The following ITGB5 variants were observed in gnomAD, a reference collection of about 807,000 sequenced individuals.
ITGB5 encodes the protein integrin beta-5.
A neutral mutation model predicts 84.8 loss-of-function variants in ITGB5; 38 were observed. The ratio of observed to expected loss-of-function variants is 0.45; its 90% confidence interval spans 0.35 to 0.59. The LOEUF is 0.59. ITGB5 is among the 20% of genes least tolerant of loss of function. The probability of loss-of-function intolerance (pLI) is 0.01; values close to 1 mark genes in which losing one functional copy is unlikely to be tolerated. For missense variants in ITGB5, 905 were observed against 1,034.5 expected (o/e 0.87, Z 1.72); for synonymous variants, 393 against 414.4 (o/e 0.95, Z 0.63).
At chr3:124,808,653 G>C (rs116355871) in intron 9 of ITGB5, among the ~76,000 whole-genome samples, 236 of 152,322 alleles carry the variant, frequency 1.5e-3, no homozygotes, top group African/African-American at 5.5e-3. Flanking sequence ...CCAAGGAACA[G>C]AGCTATTTGC....
At chr3:124,849,957 C>T (rs1412208676) in intron 3 of ITGB5, among the ~76,000 whole-genome samples, 2 of 152,124 alleles carry the variant, frequency 1.3e-5, no homozygotes, top group African/African-American at 2.4e-5. Context: ...TGCAGTAGAA[C>T]TGTCTACACA....
intron 5 of ITGB5, among the ~76,000 whole-genome samples, chr3:124,823,150 C>A (rs931289754): frequency 6.6e-6 from 1 of 152,138 alleles, no homozygotes; most frequent in Non-Finnish European, 1.5e-5. Context: ...GTCATCCCAA[C>A]TATTCAGGTG....
At chr3:124,840,367 T>C (rs2064993525) in intron 5 of ITGB5, among the ~76,000 whole-genome samples, 1 of 152,158 alleles carries the variant, frequency 6.6e-6, no homozygotes. Context: ...ATGAAATGTA[T>C]GCACAAAGAC....
chr3:124,895,848 G>T (rs981999224), intron 1 of ITGB5, among the ~76,000 whole-genome samples: 1 of 152,134 alleles, frequency 6.6e-6, no homozygotes, highest in African/African-American at 2.4e-5. Flanking sequence ...CAGAAGAATT[G>T]AGTTCCAGTC....
chr3:124,796,877 C>A, intron 9 of ITGB5, 60 bp from the exon 10 acceptor site: 1 of 1,513,294 alleles, frequency 6.6e-7, no homozygotes, highest in Non-Finnish European at 8.9e-7. Context: ...TCCCATTCAC[C>A]CAGGGGCAGG....
At chr3:124,897,978 A>C (rs1356750151) in intron 1 of ITGB5, among the ~76,000 whole-genome samples, 5 of 152,100 alleles carry the variant, frequency 3.3e-5, no homozygotes, top group Admixed American at 2.0e-4. Flanking sequence ...GTAATACCAG[A>C]CTTGATTCAT....
chr3:124,775,353 GAT>G (rs2063910834), intron 10 of ITGB5, among the ~76,000 whole-genome samples: 1 of 151,724 alleles, frequency 6.6e-6, no homozygotes, highest in South Asian at 2.1e-4. Flanking sequence ...TGTGAGGGAG[GAT>G]GTGTGTGAGT....
chr3:124,819,924 T>G (rs976368664), intron 6 of ITGB5, 90 bp from the exon 7 acceptor site: 1 of 951,748 alleles, frequency 1.1e-6, no homozygotes, highest in Non-Finnish European at 1.7e-6. Flanking sequence ...CAGCCAGCAT[T>G]TGCCAGGGAA....
chr3:124,766,058 T>C (rs1213851235), intron 13 of ITGB5, among the ~76,000 whole-genome samples, 168 bp downstream of exon 13: 1 of 100,032 alleles, frequency 1.0e-5, no homozygotes. Flanking sequence ...ACAGCCTGTG[T>C]CAAAAAAAAA....
At chr3:124,849,628 A>G (rs1297855392) in intron 3 of ITGB5, among the ~76,000 whole-genome samples, 1 of 152,164 alleles carries the variant, frequency 6.6e-6, no homozygotes, top group Non-Finnish European at 1.5e-5. Context: ...AAAAGACAGC[A>G]CTAGATTTGT....
chr3:124,783,527 A>G (rs1420598903), intron 10 of ITGB5, among the ~76,000 whole-genome samples: 1 of 152,192 alleles, frequency 6.6e-6, no homozygotes, highest in African/African-American at 2.4e-5. Context: ...CGTGTAGAAG[A>G]TGCTCAGAAC....
intron 1 of ITGB5, among the ~76,000 whole-genome samples, chr3:124,884,582 C>T (rs1346430253): frequency 6.6e-6 from 1 of 151,682 alleles, no homozygotes; most frequent in Non-Finnish European, 1.5e-5. Flanking sequence ...TGCCTGTAAT[C>T]CCAGTTACTC....
intron 3 of ITGB5, among the ~76,000 whole-genome samples, chr3:124,853,079 T>G (rs1387235275): frequency 6.6e-6 from 1 of 152,198 alleles, no homozygotes; most frequent in Non-Finnish European, 1.5e-5. Context: ...AAGACTGATT[T>G]TGTTCAAAGT....
intron 4 of ITGB5, among the ~76,000 whole-genome samples, chr3:124,846,122 A>C (rs1579287168): frequency 6.6e-6 from 1 of 152,300 alleles, no homozygotes; most frequent in East Asian, 1.9e-4. Flanking sequence ...GAAAAGATCT[A>C]AGTCAGCTTC....
intron 8 of ITGB5, among the ~76,000 whole-genome samples, chr3:124,813,850 AC>A (rs1396006204): frequency 1.3e-5 from 2 of 151,522 alleles, no homozygotes; most frequent in African/African-American, 4.9e-5. Flanking sequence ...GCCCCTCTCT[AC>A]CTCCCCAGAG....
chr3:124,900,290 G>T lies in ITGB5; in HGVS notation c.-255+976C>A, dbSNP rs546265855. The stretch of plus-strand genomic sequence containing the variant: ...ACTTGCCTCTATTTCCCCTACTATT[G>T]AACAGGCATGAAAACAGTACCTACT... On this transcript the variant is annotated intron_variant, in intron 1 of 4. Transcript: ENST00000608657. 3.3e-5 allele frequency among the ~76,000 whole-genome samples: 5 copies of T among 152,196 alleles called. No individual in the cohort carries two copies. The East Asian group carries it at 9.6e-4, about 29-fold the overall frequency.
At chr3:124,802,955 G>T (rs928704771) in intron 9 of ITGB5, among the ~76,000 whole-genome samples, 1 of 151,940 alleles carries the variant, frequency 6.6e-6, no homozygotes, top group African/African-American at 2.4e-5. Flanking sequence ...GGGCCAGCTC[G>T]GGTCAGTTGC....
At chr3:124,782,369 G>A (rs702035) in intron 10 of ITGB5, among the ~76,000 whole-genome samples, 26,194 of 152,120 alleles carry the variant, frequency 0.17, 2,378 homozygotes, top group South Asian at 0.21. Context: ...GGAGGGCATG[G>A]CCAACGGAGT....
chr3:124,871,384 T>C (rs1331382428), intron 2 of ITGB5, among the ~76,000 whole-genome samples: 1 of 152,134 alleles, frequency 6.6e-6, no homozygotes, highest in Non-Finnish European at 1.5e-5. Context: ...TTAATACAGA[T>C]GGGGTTTCAC....
Sources: gnomAD v4.1 joint callset for allele counts (sites outside exome capture counted in the v4.1 genomes callset) on GRCh38, gnomAD v4.1.1 for gene constraint, MANE v1.5 for transcripts, NCBI Gene and HGNC (gene_info 2026-07-23, HGNC 2026-07-21) for gene names.